The following ANO2 variants were observed in gnomAD, a reference collection of about 807,000 sequenced individuals.
ANO2 encodes the protein anoctamin 2, also known as anoctamin-2.
ANO2 carries 101 observed loss-of-function variants against 124.2 expected under a neutral mutation model. The ratio of observed to expected loss-of-function variants is 0.81; its 90% CI spans 0.69 to 0.96. The LOEUF is 0.96. Ranked by LOEUF, ANO2 falls within the 40% of genes least tolerant of loss-of-function variation. ANO2 has a pLI of 0.00. For synonymous variants in ANO2, 486 were observed against 482.5 expected (o/e 1.01, Z -0.09); for missense variants, 1,293 against 1,274.5 (o/e 1.01, Z -0.22).
intron 14 of ANO2, among the ~76,000 whole-genome samples, chr12:5,665,987 G>A (rs549507967): frequency 1.3e-5 from 2 of 152,118 alleles, no homozygotes; most frequent in Non-Finnish European, 2.9e-5. Context: ...TTTACTTAGT[G>A]AACAAAATGC....
Position 5,751,892 on chromosome 12 carries a change from T to G in ANO2, c.1056-922A>C, listed in dbSNP as rs1250406796. The stretch of plus-strand genomic sequence containing the variant: ...CAATATCTCCTCATTTTCCCCTCTC[T>G]GCAGCCCCTGTTAACCACTATTCTA... On this transcript the variant is annotated intron_variant, in intron 10 of 24. Coordinates refer to ENST00000682330, the MANE Select transcript of ANO2 (RefSeq NM_001364791.2). Among the ~76,000 whole-genome samples, 3 of 150,848 alleles carry G rather than the reference T, an allele frequency of 2.0e-5. No individual in the cohort carries two copies. The East Asian group carries it at 5.8e-4, about 29-fold the overall frequency.
rs190544496 is a variant in ANO2 at position 5,603,306 on chromosome 12, C to T, written c.2088-3677G>A. 6.4e-4 allele frequency among the ~76,000 whole-genome samples: 98 copies of T among 152,226 alleles called. 1 individual carries two copies. Among genetic ancestry groups the T allele is most frequent in the Non-Finnish European group, 1.2e-4 (8 of 68,016 alleles). ...ACATTTAAACAAAAGTGACCAATAA[C>T]GACCAATAAAACAAGAGTGACCAAT... On this transcript the variant is annotated intron_variant, in intron 19 of 24. Transcript: ENST00000682330.
At chr12:5,827,600 C>T (rs565446954) in intron 7 of ANO2, 169 bp downstream of exon 7, 442 of 765,854 alleles carry the variant, frequency 5.8e-4, no homozygotes, top group Non-Finnish European at 8.4e-4. Context: ...ATGGGACCCC[C>T]GCTGCTCCTG....
intron 14 of ANO2, among the ~76,000 whole-genome samples, chr12:5,660,684 A>G (rs1007617808): frequency 6.6e-6 from 1 of 152,154 alleles, no homozygotes; most frequent in African/African-American, 2.4e-5. Flanking sequence ...CATAAAAGCA[A>G]GGAACTTCAA....
chr12:5,904,128 G>A lies in ANO2; in HGVS notation c.534+16912C>T, dbSNP rs1295954329. Among the ~76,000 whole-genome samples the A allele has an allele frequency of 1.3e-5, 2 of 152,182 alleles. No individual in the cohort carries two copies. The highest frequency in any genetic ancestry group is 2.4e-5 in the African/African-American group (1 of 41,440). ...CAGAGCAATGCAGGCCTCTGTGCTT[G>A]AAGAGTGTTCCAGCCCAAATGTTGC... On this transcript the variant is annotated intron_variant, in intron 3 of 24. Coordinates refer to ENST00000682330, the MANE Select transcript of ANO2 (RefSeq NM_001364791.2). The surrounding 1 kb of genome is among the most constrained non-coding windows in gnomAD (Gnocchi z 4.1).
intron 1 of ANO2, among the ~76,000 whole-genome samples, chr12:5,934,620 G>C (rs1199614325): frequency 1.3e-5 from 2 of 152,126 alleles, no homozygotes; most frequent in African/African-American, 4.8e-5. Flanking sequence ...ATGAGATTAA[G>C]GTATAAATGC....
chr12:5,796,625 G>A (rs975875138), intron 10 of ANO2, among the ~76,000 whole-genome samples: 1 of 152,204 alleles, frequency 6.6e-6, no homozygotes, highest in Non-Finnish European at 1.5e-5. Context: ...AGGATCGGGA[G>A]GAGAGCCGTG....
intron 16 of ANO2, among the ~76,000 whole-genome samples, chr12:5,616,605 A>T (rs1944821765): frequency 6.6e-6 from 1 of 152,174 alleles, no homozygotes; most frequent in Non-Finnish European, 1.5e-5. Flanking sequence ...ATACATGACA[A>T]CAGGGCCATG....
intron 14 of ANO2, among the ~76,000 whole-genome samples, chr12:5,698,572 A>G (rs2137024432): frequency 6.6e-6 from 1 of 152,382 alleles, no homozygotes; most frequent in African/African-American, 2.4e-5. Context: ...GCTCCTTGCC[A>G]GCAATGGAAA....
At chr12:5,619,449 C>T (rs1316245862) in intron 16 of ANO2, among the ~76,000 whole-genome samples, 2 of 152,174 alleles carry the variant, frequency 1.3e-5, no homozygotes, top group Non-Finnish European at 2.9e-5. Context: ...TGTGTGAGGC[C>T]TCCCCAGCCT....
intron 14 of ANO2, among the ~76,000 whole-genome samples, chr12:5,666,505 C>T (rs571709093): frequency 1.3e-5 from 2 of 152,164 alleles, no homozygotes; most frequent in Non-Finnish European, 2.9e-5. Flanking sequence ...AAATGCACAG[C>T]GACCTGAGCT....
At chr12:5,830,514 G>A (rs1475257102) in intron 5 of ANO2, 25 bp from the exon 6 acceptor site, 6 of 1,603,022 alleles carry the variant, frequency 3.7e-6, no homozygotes, top group Non-Finnish European at 5.1e-6. Flanking sequence ...AGAGCAGATG[G>A]CAAATTCATT....
chr12:5,718,027 G>A (rs541733788), intron 14 of ANO2, among the ~76,000 whole-genome samples: 2 of 152,196 alleles, frequency 1.3e-5, no homozygotes, highest in African/African-American at 4.8e-5. Context: ...ATGGAAGTCC[G>A]GGATGGGGGA....
intron 14 of ANO2, among the ~76,000 whole-genome samples, chr12:5,703,863 T>A (rs1401171036): frequency 3.3e-5 from 5 of 152,146 alleles, no homozygotes; most frequent in Non-Finnish European, 7.3e-5. Flanking sequence ...TCCTTAGACT[T>A]TTCTGTGTAT....
At chr12:5,717,935 T>C (rs1186067413) in intron 14 of ANO2, among the ~76,000 whole-genome samples, 2 of 152,188 alleles carry the variant, frequency 1.3e-5, no homozygotes, top group Non-Finnish European at 2.9e-5. Context: ...GGCTGCCCCA[T>C]CTGAAAGAAG....
At position 5,635,144 on chromosome 12, in the gene ANO2, C is replaced by T; in HGVS notation, c.1816+8G>A. On this transcript the variant is annotated splice_region_variant and intron_variant, in intron 16 of 24. Transcript: ENST00000682330. This position sits in a 1 kb window ranked among gnomAD's most constrained non-coding sequence, Gnocchi z 5.2. ...CTAGGACAGCCAGAAGTCTCGGTGA[C>T]ACAGTACCAATTTTGGTGAGCCACT... 6.4e-7 allele frequency: 1 copy of T among 1,565,552 alleles called. No individual in the cohort carries two copies. Among genetic ancestry groups the T allele is most frequent in the Non-Finnish European group, 8.6e-7 (1 of 1,160,464 alleles).
chr12:5,763,051 T>G (rs1167529395), intron 10 of ANO2, among the ~76,000 whole-genome samples: 1 of 152,006 alleles, frequency 6.6e-6, no homozygotes, highest in East Asian at 1.9e-4. Flanking sequence ...TAGTAACTTT[T>G]GATACTATTT....
rs1169095738 is a variant in ANO2 at position 5,565,671 on chromosome 12, A to G, written c.2622-8T>C. On this transcript the variant is annotated splice_polypyrimidine_tract_variant and splice_region_variant and intron_variant, in intron 23 of 24. Transcript: ENST00000682330. ...TCTCGGTAATCCTTAAACCTGCCCA[A>G]AGAGAAATGTGGTGTTAAGATCAGG... 3.8e-6 allele frequency: 6 copies of G among 1,579,754 alleles called. No individual in the cohort carries two copies. The East Asian group carries it at 6.9e-5, about 18-fold the overall frequency.
intron 12 of ANO2, among the ~76,000 whole-genome samples, chr12:5,743,565 A>G (rs1449514109): frequency 6.6e-6 from 1 of 152,066 alleles, no homozygotes; most frequent in Non-Finnish European, 1.5e-5. Flanking sequence ...TCTGGGAGGA[A>G]GGGAGGAGGA....
Sources: allele counts gnomAD v4.1 joint callset (sites outside exome capture counted in the v4.1 genomes callset), GRCh38; gene constraint gnomAD v4.1.1; non-coding constraint Gnocchi (gnomAD v3.1); transcripts MANE v1.5; gene names NCBI Gene and HGNC (gene_info 2026-07-23, HGNC 2026-07-21).